Variants in LRRTM4 observed in about 807,000 individuals in gnomAD.
LRRTM4 encodes the protein leucine rich repeat transmembrane neuronal 4, also known as leucine-rich repeat transmembrane neuronal protein 4.
In LRRTM4, 25 loss-of-function variants were observed where a neutral mutation model predicts 47.6. That is an observed-to-expected ratio of 0.53 (90% CI 0.38 to 0.73). The LOEUF (loss-of-function observed/expected upper bound fraction) is 0.73. Ranked by LOEUF, LRRTM4 falls within the 30% of genes least tolerant of loss-of-function variation. The probability of loss-of-function intolerance (pLI) is 0.00; values close to 1 mark genes in which losing one functional copy is unlikely to be tolerated. For missense variants in LRRTM4, 638 were observed against 713.4 expected, an observed-to-expected ratio of 0.89 and a Z score of 1.20; for synonymous variants, 311 against 269.5, an observed-to-expected ratio of 1.15 and a Z score of -1.51.
intron 3 of LRRTM4, among the ~76,000 whole-genome samples, chr2:77,044,145 T>C (rs1039352349): frequency 2.0e-5 from 3 of 151,796 alleles, no homozygotes; most frequent in Non-Finnish European, 2.9e-5. Context: ...GCTCTTGGTA[T>C]TAGAATATGT....
At chr2:77,366,760 T>C (rs1672477103) in intron 3 of LRRTM4, among the ~76,000 whole-genome samples, 1 of 151,814 alleles carries the variant, frequency 6.6e-6, no homozygotes, top group South Asian at 2.1e-4. Flanking sequence ...ATAGACTCTC[T>C]AGTCTCAAGA....
At chr2:76,760,507 A>G (rs1673214046) in intron 3 of LRRTM4, among the ~76,000 whole-genome samples, 1 of 152,152 alleles carries the variant, frequency 6.6e-6, no homozygotes, top group Admixed American at 6.5e-5. Context: ...TGGTACGTGT[A>G]GCTTCCATAT....
At chr2:77,500,799 A>C (rs1678545387) in intron 3 of LRRTM4, among the ~76,000 whole-genome samples, 1 of 151,612 alleles carries the variant, frequency 6.6e-6, no homozygotes, top group Non-Finnish European at 1.5e-5. Flanking sequence ...TATCCTAAAC[A>C]TCTCACTTGT....
At chr2:77,513,725 C>T (rs867877139) in intron 3 of LRRTM4, among the ~76,000 whole-genome samples, 41 of 151,960 alleles carry the variant, frequency 2.7e-4, no homozygotes, top group African/African-American at 9.4e-4. Context: ...GCCACCATGA[C>T]CTGCTAATTT....
At chr2:77,131,736 C>G (rs1201723207) in intron 3 of LRRTM4, among the ~76,000 whole-genome samples, 1 of 152,076 alleles carries the variant, frequency 6.6e-6, no homozygotes, top group Non-Finnish European at 1.5e-5. Flanking sequence ...CTAAAGCCTC[C>G]CCTTTTCAAT....
At chr2:77,171,631 A>C (rs1573035659) in intron 3 of LRRTM4, among the ~76,000 whole-genome samples, 1 of 151,976 alleles carries the variant, frequency 6.6e-6, no homozygotes, top group African/African-American at 2.4e-5. Context: ...TATAGGTCAT[A>C]TATTTATATG....
At position 77,014,923 on chromosome 2, in the gene LRRTM4, G is replaced by C. The variant is rs1001936420; in HGVS notation, c.1552-266007C>G. On this transcript the variant is annotated intron_variant, in intron 3 of 3. Transcript: ENST00000409884. ...AGAGATTTTTTATTTGAAGAGTGAT[G>C]ATTTTTTGATGTGTCAACTTGGCTA... Among the ~76,000 whole-genome samples, 5 of 152,064 alleles carry C rather than the reference G, an allele frequency of 3.3e-5. No individual in the cohort carries two copies. In the East Asian group the frequency reaches 9.6e-4, roughly 29 times the overall value.
chr2:77,009,146 A>C (rs997981535), intron 3 of LRRTM4: 1 of 152,130 alleles, frequency 6.6e-6, no homozygotes, highest in East Asian at 1.9e-4. Flanking sequence ...TAAACCACTG[A>C]ATGTTTTCAA....
At chr2:76,812,640 C>A (rs1293584319) in intron 3 of LRRTM4, among the ~76,000 whole-genome samples, 1 of 147,442 alleles carries the variant, frequency 6.8e-6, no homozygotes, top group Non-Finnish European at 1.5e-5. Flanking sequence ...CCAGCCCCAA[C>A]ACTTTCCTAT....
chr2:77,236,001 A>T (rs1215552121), intron 3 of LRRTM4, among the ~76,000 whole-genome samples: 2 of 151,934 alleles, frequency 1.3e-5, no homozygotes, highest in East Asian at 3.9e-4. Flanking sequence ...GGCTATTTGA[A>T]TTCCTTTTTC....
chr2:76,861,045 CCT>C (rs1013477015), intron 3 of LRRTM4, among the ~76,000 whole-genome samples: 1 of 151,774 alleles, frequency 6.6e-6, no homozygotes, highest in African/African-American at 2.4e-5. Context: ...CTGTTTTTTC[CCT>C]TTTTAGAATC....
In LRRTM4 at chr2:76,853,544, T is replaced by A. The variant is rs192332735; in HGVS notation, c.1552-104628A>T. Among the ~76,000 whole-genome samples the A allele has an allele frequency of 1.0e-3, 154 of 152,132 alleles. 3 individuals carry two copies. Among genetic ancestry groups the A allele is most frequent in the African/African-American group, 3.6e-3 (149 of 41,520 alleles). On this transcript the variant is annotated intron_variant, in intron 3 of 3. Transcript: ENST00000409884. ...AGAACACTGCTTAGTTGTGGAAGAATTGTCAAGAAAATGATGCCCATATAT... is the reference window on the plus strand; with the variant it reads ...AGAACACTGCTTAGTTGTGGAAGAAATGTCAAGAAAATGATGCCCATATAT...
chr2:77,381,045 C>G (rs1470263884), intron 3 of LRRTM4, among the ~76,000 whole-genome samples: 2 of 151,858 alleles, frequency 1.3e-5, no homozygotes, highest in African/African-American at 4.8e-5. Flanking sequence ...TCTAATTTTT[C>G]TTTTTTGAAT....
chr2:77,123,607 CTTTT>C (rs1196481751), intron 3 of LRRTM4, among the ~76,000 whole-genome samples: 1 of 151,902 alleles, frequency 6.6e-6, no homozygotes, highest in Non-Finnish European at 1.5e-5. Context: ...AAAAAAATCG[CTTTT>C]TTGAGTGACA....
At chr2:77,335,979 C>G (rs147597794) in intron 3 of LRRTM4, among the ~76,000 whole-genome samples, 221 of 152,106 alleles carry the variant, frequency 1.5e-3, no homozygotes, top group African/African-American at 5.0e-3. Context: ...ATGGGAGTAA[C>G]TGGGTTCACT....
Position 76,938,323 on chromosome 2 carries a change from C to T in LRRTM4, c.1552-189407G>A, listed in dbSNP as rs903388436. Among the ~76,000 whole-genome samples the T allele has an allele frequency of 2.0e-5, 3 of 152,054 alleles. No homozygotes were observed. The South Asian group carries it at 6.2e-4, about 32-fold the overall frequency. On this transcript the variant is annotated intron_variant, in intron 3 of 3. Transcript: ENST00000409884. ...GCATCTGGCTAATAGTATCATTCTG[C>T]TAGTATTTTAGATACTAGTGATAAA...
chr2:77,166,270 A>AAGGAGAATTGAAAACCAC (rs1341489584), intron 3 of LRRTM4, among the ~76,000 whole-genome samples: 1 of 152,168 alleles, frequency 6.6e-6, no homozygotes, highest in Non-Finnish European at 1.5e-5. Flanking sequence ...GGACCTCTTC[A>AAGGAGAATTGAAAACCAC]AGGAGAATTG....
At chr2:77,041,136 C>G (rs72924987) in intron 3 of LRRTM4, among the ~76,000 whole-genome samples, 5,223 of 151,596 alleles carry the variant, frequency 0.034, 300 homozygotes, top group African/African-American at 0.12. Context: ...TCTGTTAGAT[C>G]AACTTTAGAT....
At chr2:77,491,112 G>T (rs962999340) in intron 3 of LRRTM4, among the ~76,000 whole-genome samples, 3 of 151,902 alleles carry the variant, frequency 2.0e-5, no homozygotes, top group African/African-American at 7.2e-5. Flanking sequence ...CAGAGAGAGA[G>T]AAGATATACA....
Sources: gnomAD v4.1 joint callset for allele counts (sites outside exome capture counted in the v4.1 genomes callset) on GRCh38, gnomAD v4.1.1 for gene constraint, MANE v1.5 for transcripts, NCBI Gene and HGNC (gene_info 2026-07-23, HGNC 2026-07-21) for gene names.